LDHB: variants seen among roughly 807,000 people sequenced by gnomAD.
LDHB encodes lactate dehydrogenase B, also known as L-lactate dehydrogenase B chain.
A neutral mutation model predicts 33.4 loss-of-function variants in LDHB; 18 were observed. The ratio of observed to expected loss-of-function variants is 0.54; its 90% confidence interval spans 0.37 to 0.80. The LOEUF is 0.80. Ranked by LOEUF, LDHB falls within the 30% of genes least tolerant of loss-of-function variation. The pLI is 0.00. For missense variants in LDHB, 345 were observed against 407.9 expected, an observed-to-expected ratio of 0.85 and a Z score of 1.33; for synonymous variants, 121 against 140.6, an observed-to-expected ratio of 0.86 and a Z score of 0.98.
intron 1 of LDHB, among the ~76,000 whole-genome samples, chr12:21,656,615 G>A (rs915580868): frequency 2.6e-5 from 4 of 152,202 alleles, no homozygotes; most frequent in Non-Finnish European, 4.4e-5. Context: ...TTTTAATTTA[G>A]AAAACTTCAG....
At chr12:21,646,794 C>A (rs924424502) in intron 3 of LDHB, 105 bp downstream of exon 3, 2 of 764,492 alleles carry the variant, frequency 2.6e-6, no homozygotes, top group African/African-American at 1.7e-5. Context: ...AAACTTCAAC[C>A]TTTCCTACTT....
At chr12:21,657,641 G>A (rs1182796061) in intron 1 of LDHB, 110 bp downstream of exon 1, 2 of 152,450 alleles carry the variant, frequency 1.3e-5, no homozygotes, top group Non-Finnish European at 2.9e-5. Context: ...GGCCGCGGAG[G>A]ACAGATGTGC....
chr12:21,652,803 T>A (rs1488913791), intron 2 of LDHB, among the ~76,000 whole-genome samples: 1 of 152,254 alleles, frequency 6.6e-6, no homozygotes, highest in East Asian at 1.9e-4. Context: ...AGTTACCTAG[T>A]CAATTGAAAC....
In LDHB at chr12:21,657,788, G is replaced by T. The variant is rs1205780613; in HGVS notation, c.-44C>A. ...GGCTCTGGAGACCTCTGTAACAGTC[G>T]TGCGGAGAAGACAAAGTCAGCTGCG... On this transcript the variant is annotated 5_prime_UTR_variant, in exon 1 of 8. Coordinates refer to ENST00000350669, the MANE Select transcript of LDHB (RefSeq NM_002300.8). 3.9e-5 allele frequency: 6 copies of T among 152,366 alleles called. No homozygotes were observed. The highest frequency in any genetic ancestry group is 1.4e-4 in the African/African-American group (6 of 41,466). 9.4% of individuals were successfully genotyped at this position (152,366 alleles called of 1,614,324 possible). A position where few individuals can be genotyped will look rare whatever the true frequency, so the allele number is the denominator to read the frequency against.
intron 5 of LDHB, 190 bp from the exon 6 acceptor site, chr12:21,638,660 A>T: frequency 1.7e-6 from 1 of 575,450 alleles, no homozygotes. Flanking sequence ...TTCAAATAGC[A>T]ACATGTCTGA....
At chr12:21,646,517 C>T (rs1408716140) in intron 3 of LDHB, among the ~76,000 whole-genome samples, 2 of 152,056 alleles carry the variant, frequency 1.3e-5, no homozygotes, top group East Asian at 1.9e-4. Context: ...CCAAACAATG[C>T]GATAAATCCA....
intron 2 of LDHB, among the ~76,000 whole-genome samples, chr12:21,653,834 A>G (rs1372642326): frequency 2.6e-5 from 4 of 152,184 alleles, no homozygotes; most frequent in Admixed American, 6.5e-5. Context: ...GCATAACAGA[A>G]TATTCCCACA....
Position 21,641,935 on chromosome 12 carries a change from C to CT in LDHB, c.595+16dup, listed in dbSNP as rs79867159. The CT allele has an allele frequency of 0.011, 12,753 of 1,171,448 alleles. No homozygotes were observed. Among genetic ancestry groups the CT allele is most frequent in the Non-Finnish European group, 0.013 (10,663 of 837,640 alleles). The allele number at this position is 1,171,448 out of a possible 1,614,324, so 72.6% of individuals were successfully genotyped here. On this transcript the variant is annotated intron_variant, in intron 5 of 7. Transcript: ENST00000350669. Reference sequence around the variant, plus strand: ...AAACCAACATCACAAGTAATTATTTCTTTTTTTTTTCTTTACCACTTGAGT... The same window carrying CT: ...AAACCAACATCACAAGTAATTATTTCTTTTTTTTTTTCTTTACCACTTGAGT...
chr12:21,652,105 G>C (rs1465850247), intron 2 of LDHB, among the ~76,000 whole-genome samples: 3 of 15,286 alleles, frequency 2.0e-4, no homozygotes, highest in East Asian at 0.067. Context: ...TAAAATTTAT[G>C]ATTACATCAT....
At chr12:21,655,091 A>C (rs1433803660) in intron 1 of LDHB, among the ~76,000 whole-genome samples, 1 of 152,190 alleles carries the variant, frequency 6.6e-6, no homozygotes. Context: ...ACTGCACCCC[A>C]GCCTGGCAAC....
Position 21,646,885 on chromosome 12 carries a change from T to C in LDHB, c.247+14A>G, listed in dbSNP as rs769016899. On this transcript the variant is annotated intron_variant, in intron 3 of 7. Transcript: ENST00000350669. ...AAAAAATATTAGATCACTTTGGGCA[T>C]TAAGTGAAATTACCTTTATCTGCCA... 5 of 1,428,372 alleles carry C rather than the reference T, an allele frequency of 3.5e-6. 1 individual carries two copies. In the South Asian group the frequency reaches 4.6e-5, roughly 13 times the overall value. 88.5% of individuals were successfully genotyped at this position (1,428,372 alleles called of 1,614,324 possible).
At chr12:21,654,477 G>A (rs1938781142) in intron 2 of LDHB, 66 bp downstream of exon 2, 1 of 1,468,838 alleles carries the variant, frequency 6.8e-7, no homozygotes, top group Non-Finnish European at 9.5e-7. Flanking sequence ...AAAATTCCAA[G>A]GTGCCCAAAG....
chr12:21,651,219 A>G (rs1213191992), intron 2 of LDHB, among the ~76,000 whole-genome samples: 4 of 152,184 alleles, frequency 2.6e-5, no homozygotes, highest in Non-Finnish European at 5.9e-5. Context: ...TGTGTGCTCC[A>G]TTGCTCTGCT....
At chr12:21,651,619 AGC>A (rs145071898) in intron 2 of LDHB, among the ~76,000 whole-genome samples, 3,083 of 152,260 alleles carry the variant, frequency 0.02, 126 homozygotes, top group African/African-American at 0.07. Flanking sequence ...TGTTGATTTC[AGC>A]CATATGATAT....
chr12:21,656,247 T>C (rs1938841177), intron 1 of LDHB, among the ~76,000 whole-genome samples: 1 of 152,220 alleles, frequency 6.6e-6, no homozygotes, highest in East Asian at 1.9e-4. Context: ...AAATATTTCC[T>C]CCCATCTGTA....
intron 3 of LDHB, among the ~76,000 whole-genome samples, chr12:21,644,451 A>AAAAAAAAAAAAC (rs1202481820): frequency 6.8e-6 from 1 of 147,840 alleles, no homozygotes; most frequent in East Asian, 2.0e-4. Context: ...AAAAACAAAA[A>AAAAAAAAAAAAC]CAAAAACCAA....
At chr12:21,638,735 A>G (rs1369152128) in intron 5 of LDHB, among the ~76,000 whole-genome samples, 1 of 152,010 alleles carries the variant, frequency 6.6e-6, no homozygotes, top group Non-Finnish European at 1.5e-5. Flanking sequence ...AGAGAAAATA[A>G]AATTCTTTGC....
chr12:21,643,522 CT>C (rs1565627124), intron 4 of LDHB: 1 of 174,788 alleles, frequency 5.7e-6, no homozygotes, highest in Non-Finnish European at 1.2e-5. Flanking sequence ...TTCTTATATG[CT>C]TCTTTTCAAA....
chr12:21,640,994 C>T (rs1465356097), intron 5 of LDHB, among the ~76,000 whole-genome samples: 1 of 152,060 alleles, frequency 6.6e-6, no homozygotes, highest in Non-Finnish European at 1.5e-5. Context: ...TTCTGTCTTA[C>T]AGTGGAATGC....
Sources: allele counts gnomAD v4.1 joint callset (sites outside exome capture counted in the v4.1 genomes callset), GRCh38; gene constraint gnomAD v4.1.1; transcripts MANE v1.5; gene names NCBI Gene and HGNC (gene_info 2026-07-23, HGNC 2026-07-21).